ILDR1: variants seen among roughly 807,000 people sequenced by gnomAD.
The protein encoded by ILDR1 is immunoglobulin-like domain-containing receptor 1.
In ILDR1, 56 loss-of-function variants were observed where a neutral mutation model predicts 62.4. The observed-to-expected ratio is 0.90, with a 90% CI of 0.72 to 1.12. ILDR1 has a LOEUF of 1.12. Ranked by LOEUF, ILDR1 falls within the 50% of genes most tolerant of loss-of-function variation. The pLI, the probability that ILDR1 is intolerant of heterozygous loss-of-function variation, is 0.00. For missense variants in ILDR1, 736 were observed against 710.6 expected, an observed-to-expected ratio of 1.04 and a Z score of -0.41; for synonymous variants, 284 against 277.8, an observed-to-expected ratio of 1.02 and a Z score of -0.22.
At chr3:122,055,176 C>T in the ILDR1 span, among the ~76,000 whole-genome samples, 2 of 151,960 alleles carry the variant, frequency 1.3e-5, no homozygotes, top group Non-Finnish European at 2.9e-5. Flanking sequence ...ATTTTTTATT[C>T]AGGCTCATCT....
intron 1 of ILDR1, among the ~76,000 whole-genome samples, chr3:122,012,991 T>C (rs2071726135): frequency 3.9e-5 from 6 of 152,106 alleles, no homozygotes; most frequent in Admixed American, 3.9e-4. Flanking sequence ...TCAGATGAGA[T>C]ATCAGAGCTC....
the ILDR1 span, among the ~76,000 whole-genome samples, chr3:122,044,453 C>T: frequency 6.8e-6 from 1 of 147,676 alleles, no homozygotes; most frequent in Non-Finnish European, 1.5e-5. Context: ...GGGAGAATTC[C>T]CTCTTTTTCT....
chr3:122,049,838 C>A, the ILDR1 span, among the ~76,000 whole-genome samples: 1 of 151,784 alleles, frequency 6.6e-6, no homozygotes, highest in Non-Finnish European at 1.5e-5. Flanking sequence ...GCCCTTTTTT[C>A]TCTTCTACTC....
Position 121,994,244 on chromosome 3 carries a change from T to C in ILDR1, c.716A>G (p.Tyr239Cys), listed in dbSNP as rs1576716249. 2.0e-6 allele frequency: 3 copies of C among 1,536,032 alleles called. No individual in the cohort carries two copies. In the Admixed American group the frequency reaches 5.9e-5, roughly 30 times the overall value. ...CTGGGAGCTCCTGTCCGCCCCCCAGTACAGGGGTTTTCCCATCATCTGAGG... is the reference window on the plus strand; with the variant it reads ...CTGGGAGCTCCTGTCCGCCCCCCAGCACAGGGGTTTTCCCATCATCTGAGG... ...LGPQMMGKPL[Y>C]WGADRSSQVS... The change falls in exon 6 of 8, where the codon TAC becomes TGC. Residue 239 changes from tyrosine (Y) to cysteine (C), a missense_variant. Tyr to Cys is a radical substitution (Grantham distance 194, BLOSUM62 -2). Coordinates refer to ENST00000344209, the MANE Select transcript of ILDR1 (RefSeq NM_001199799.2).
chr3:122,035,528 G>T, the ILDR1 span, among the ~76,000 whole-genome samples: 1 of 152,326 alleles, frequency 6.6e-6, no homozygotes, highest in Non-Finnish European at 1.5e-5. Context: ...GGTGAGAGGT[G>T]ATTGGATCGT....
chr3:122,050,724 T>C, the ILDR1 span, among the ~76,000 whole-genome samples: 1 of 152,184 alleles, frequency 6.6e-6, no homozygotes, highest in Non-Finnish European at 1.5e-5. Context: ...TCTATATATC[T>C]ATCTTTACCA....
At chr3:122,049,270 T>C in the ILDR1 span, among the ~76,000 whole-genome samples, 1 of 152,228 alleles carries the variant, frequency 6.6e-6, no homozygotes. Context: ...TTAAATGTGA[T>C]AGGACTTGTT....
chr3:122,057,351 G>T, the ILDR1 span, among the ~76,000 whole-genome samples: 6 of 152,042 alleles, frequency 3.9e-5, no homozygotes, highest in Non-Finnish European at 8.8e-5. Context: ...AACAATTTAC[G>T]TGTTTAAAAA....
At chr3:122,019,202 T>A (rs2071822261) in intron 1 of ILDR1, among the ~76,000 whole-genome samples, 1 of 152,232 alleles carries the variant, frequency 6.6e-6, no homozygotes, top group African/African-American at 2.4e-5. Flanking sequence ...GGTACTTACT[T>A]TAGCCTTATT....
the ILDR1 span, among the ~76,000 whole-genome samples, chr3:122,034,346 A>C: frequency 6.6e-6 from 1 of 152,192 alleles, no homozygotes; most frequent in Non-Finnish European, 1.5e-5. Flanking sequence ...AAAGAGAGTT[A>C]TTTTCATCCA....
At chr3:122,027,106 G>T (rs2071928326), upstream of ILDR1, among the ~76,000 whole-genome samples, 1 of 152,178 alleles carries the variant, frequency 6.6e-6, no homozygotes, top group Non-Finnish European at 1.5e-5. Flanking sequence ...GAAGAAAATT[G>T]TAAACCGTTA....
chr3:121,998,966 G>T (rs944914453), intron 5 of ILDR1, among the ~76,000 whole-genome samples: 1 of 116,764 alleles, frequency 8.6e-6, no homozygotes, highest in Non-Finnish European at 1.9e-5. Flanking sequence ...TCTGACCTTT[G>T]GTCTCCCATC....
chr3:122,047,563 G>A, the ILDR1 span, among the ~76,000 whole-genome samples: 136 of 152,328 alleles, frequency 8.9e-4, 2 homozygotes, highest in Middle Eastern at 3.4e-3. Flanking sequence ...AGCAGTCAGC[G>A]AGATTCCGTG....
the ILDR1 span, among the ~76,000 whole-genome samples, chr3:122,061,361 C>G: frequency 6.6e-6 from 1 of 151,910 alleles, no homozygotes; most frequent in East Asian, 1.9e-4. Context: ...AATAGAAACC[C>G]ACAATTATGA....
At chr3:122,001,237 C>G (rs531095562) in intron 5 of ILDR1, 71 bp downstream of exon 5, 1 of 1,561,620 alleles carries the variant, frequency 6.4e-7, no homozygotes. Flanking sequence ...TGACCTGGCA[C>G]TTGAAGCTGA....
chr3:122,060,988 C>T, the ILDR1 span, among the ~76,000 whole-genome samples: 1 of 152,140 alleles, frequency 6.6e-6, no homozygotes, highest in Non-Finnish European at 1.5e-5. Flanking sequence ...TCTTAGAAAG[C>T]TTTGAGTCAA....
At chr3:122,010,882 G>A (rs374158007) in intron 1 of ILDR1, among the ~76,000 whole-genome samples, 2 of 152,154 alleles carry the variant, frequency 1.3e-5, no homozygotes, top group East Asian at 3.8e-4. Flanking sequence ...GTGATACCTG[G>A]GAGAAGATTA....
the ILDR1 span, chr3:122,055,458 C>G: frequency 6.2e-7 from 1 of 1,611,524 alleles, no homozygotes; most frequent in Non-Finnish European, 8.5e-7. Flanking sequence ...GGGGTCATTT[C>G]CAGATATTAG....
intron 7 of ILDR1, among the ~76,000 whole-genome samples, chr3:121,989,744 G>A (rs1053440030): frequency 6.6e-6 from 1 of 152,114 alleles, no homozygotes; most frequent in Admixed American, 6.5e-5. Flanking sequence ...TCTGAAGTTG[G>A]GTGGAAGATC....
Sources: allele counts gnomAD v4.1 joint callset (sites outside exome capture counted in the v4.1 genomes callset), GRCh38; gene constraint gnomAD v4.1.1; transcripts MANE v1.5; gene names NCBI Gene and HGNC (gene_info 2026-07-23, HGNC 2026-07-21).